ELMOD1: variants seen among roughly 807,000 people sequenced by gnomAD.
ELMOD1 encodes the protein ELMO domain-containing protein 1.
ELMOD1 carries 21 observed loss-of-function variants against 46.7 expected under a neutral mutation model. The observed-to-expected ratio is 0.45, with a 90% CI of 0.32 to 0.65. ELMOD1 has a LOEUF of 0.65. Ranked by LOEUF, ELMOD1 falls within the 30% of genes least tolerant of loss-of-function variation. ELMOD1 has a pLI of 0.04. For missense variants in ELMOD1, 348 were observed against 407.8 expected (o/e 0.85, Z 1.26); for synonymous variants, 122 against 138.2 (o/e 0.88, Z 0.82).
rs944304262 is a variant in ELMOD1 at position 107,625,562 on chromosome 11, G to A, written c.18-4855G>A. 13 of 985,214 alleles carry A rather than the reference G, an allele frequency of 1.3e-5. No homozygotes were observed. The African/African-American group carries it at 1.9e-4, about 15-fold the overall frequency. The allele number at this position is 985,214 out of a possible 1,614,324, so 61.0% of individuals were successfully genotyped here. A position where few individuals can be genotyped will look rare whatever the true frequency, so the allele number is the denominator to read the frequency against. Reference sequence around the variant, plus strand: ...CCACACCCCCTCACCCCACAGGCAAGGGGCTACATGGTTTTAGGCGCATTT... The same window carrying A: ...CCACACCCCCTCACCCCACAGGCAAAGGGCTACATGGTTTTAGGCGCATTT... On this transcript the variant is annotated intron_variant, in intron 2 of 11. Coordinates refer to ENST00000265840, the MANE Select transcript of ELMOD1 (RefSeq NM_018712.4).
chr11:107,631,826 A>C, intron 5 of ELMOD1, 149 bp downstream of exon 5: 1 of 509,374 alleles, frequency 2.0e-6, no homozygotes, highest in Non-Finnish European at 3.4e-6. Context: ...GGAATAAAGA[A>C]AAAAAGTACC....
At position 107,591,394 on chromosome 11, in the gene ELMOD1, C is replaced by A. The variant is rs1447829574; in HGVS notation, c.-101C>A. The A allele has an allele frequency of 1.3e-5, 2 of 152,662 alleles. No homozygotes were observed. Among genetic ancestry groups the A allele is most frequent in the East Asian group, 3.9e-4 (2 of 5,178 alleles). 9.5% of individuals were successfully genotyped at this position (152,662 alleles called of 1,614,324 possible). ...GCGCGCCGGGAGCTGCTGAGCCTAC[C>A]GCCGCCAGAGTCCAGGTGATTGGCG... On this transcript the variant is annotated 5_prime_UTR_variant, in exon 1 of 12. Transcript: ENST00000265840.
Position 107,602,939 on chromosome 11 carries a change from T to C in ELMOD1, c.-86+11530T>C, listed in dbSNP as rs149870188. Among the ~76,000 whole-genome samples, 565 of 152,286 alleles carry C rather than the reference T, an allele frequency of 3.7e-3. 2 individuals carry two copies. Among genetic ancestry groups the C allele is most frequent in the Non-Finnish European group, 6.2e-3 (419 of 68,010 alleles). ...GGGGAGAGCTATATGTGTCTCTGGT[T>C]AGTTTCCTGAGAGATAACTCCTCTA... On this transcript the variant is annotated intron_variant, in intron 1 of 11. Coordinates refer to ENST00000265840, the MANE Select transcript of ELMOD1 (RefSeq NM_018712.4).
At chr11:107,661,255 T>C (rs1301919468) in intron 11 of ELMOD1, among the ~76,000 whole-genome samples, 1 of 152,240 alleles carries the variant, frequency 6.6e-6, no homozygotes, top group Non-Finnish European at 1.5e-5. Context: ...TCAAGATGTT[T>C]TTCTATAATT....
intron 6 of ELMOD1, 39 bp from the exon 7 acceptor site, chr11:107,647,429 G>T (rs561006670): frequency 1.9e-6 from 3 of 1,583,814 alleles, no homozygotes; most frequent in Non-Finnish European, 2.6e-6. Context: ...AATAGGAAAG[G>T]GTGTATCAAC....
intron 11 of ELMOD1, among the ~76,000 whole-genome samples, chr11:107,658,374 TG>T (rs1866671375): frequency 6.6e-6 from 1 of 152,164 alleles, no homozygotes; most frequent in African/African-American, 2.4e-5. Context: ...TAATGGAAAA[TG>T]TAAGTCCCTT....
chr11:107,664,896 G>A, intron 11 of ELMOD1, 129 bp from the exon 12 acceptor site: 1 of 788,488 alleles, frequency 1.3e-6, no homozygotes, highest in Non-Finnish European at 2.0e-6. Flanking sequence ...TCTAGATTTT[G>A]AGGTCTTCTT....
At chr11:107,657,393 A>G (rs1035611011) in intron 11 of ELMOD1, among the ~76,000 whole-genome samples, 1 of 152,032 alleles carries the variant, frequency 6.6e-6, no homozygotes, top group Admixed American at 6.6e-5. Context: ...AAAATAAAAC[A>G]TTAGCCAGCT....
intron 2 of ELMOD1, among the ~76,000 whole-genome samples, chr11:107,619,420 G>A (rs1280099417): frequency 6.6e-5 from 10 of 152,172 alleles, no homozygotes; most frequent in Admixed American, 6.5e-5. Context: ...ATACATTCAT[G>A]AAAATTTGGC....
rs563122919 is a variant in ELMOD1, at chr11:107,655,805, C to A, written c.699-128C>A. ...CTTCCCCTTTTAGACCATAAAGTGA[C>A]TTCCTGACATTACCATGGCATTTGT... is the stretch of plus-strand genomic sequence containing the variant. On this transcript the variant is annotated intron_variant, in intron 10 of 11. Coordinates refer to ENST00000265840, the MANE Select transcript of ELMOD1 (RefSeq NM_018712.4). 2.8e-4 allele frequency: 280 copies of A among 1,011,918 alleles called. 1 individual carries two copies. Among genetic ancestry groups the A allele is most frequent in the Admixed American group, 2.3e-3 (79 of 34,078 alleles). 62.7% of individuals were successfully genotyped at this position (1,011,918 alleles called of 1,614,324 possible). A position where few individuals can be genotyped will look rare whatever the true frequency, so the allele number is the denominator to read the frequency against.
At chr11:107,601,074 T>C (rs533690586) in intron 1 of ELMOD1, among the ~76,000 whole-genome samples, 15 of 152,234 alleles carry the variant, frequency 9.9e-5, no homozygotes, top group African/African-American at 3.4e-4. Context: ...ATGGAAAAAC[T>C]CATTCCCTAA....
At position 107,652,744 on chromosome 11, in the gene ELMOD1, G is replaced by A. The variant is rs540763575; in HGVS notation, c.648-1428G>A. Among the ~76,000 whole-genome samples, 60 of 152,212 alleles carry A rather than the reference G, an allele frequency of 3.9e-4. 1 individual carries two copies. The highest frequency in any genetic ancestry group is 9.1e-4 in the African/African-American group (38 of 41,534). ...AGAAGTTACACTTTAAAAATAGGTG[G>A]CACGTTTTAATATGAATTAAAAACA... On this transcript the variant is annotated intron_variant, in intron 9 of 11. Coordinates refer to ENST00000265840, the MANE Select transcript of ELMOD1 (RefSeq NM_018712.4).
At chr11:107,655,338 T>G (rs942076220) in intron 10 of ELMOD1, among the ~76,000 whole-genome samples, 1 of 152,184 alleles carries the variant, frequency 6.6e-6, no homozygotes, top group Non-Finnish European at 1.5e-5. Flanking sequence ...TTATTAAAAA[T>G]GCTATAATGA....
intron 2 of ELMOD1, 76 bp downstream of exon 2, chr11:107,618,282 G>C (rs1865893648): frequency 1.4e-6 from 2 of 1,468,434 alleles, no homozygotes; most frequent in African/African-American, 2.8e-5. Flanking sequence ...AATATTACCA[G>C]TCATCGTTTG....
At chr11:107,630,598 G>A in intron 3 of ELMOD1, 36 bp downstream of exon 3, 1 of 1,606,864 alleles carries the variant, frequency 6.2e-7, no homozygotes, top group East Asian at 2.2e-5. Context: ...AAAAGGTAGA[G>A]TTGGTATGAT....
chr11:107,650,470 A>C, intron 8 of ELMOD1, 67 bp downstream of exon 8: 1 of 1,102,538 alleles, frequency 9.1e-7, no homozygotes, highest in Non-Finnish European at 1.3e-6. Context: ...CATCTCCTAC[A>C]TGTATCTGTT....
chr11:107,600,994 G>GT (rs1865587951), intron 1 of ELMOD1: 1 of 151,764 alleles, frequency 6.6e-6, no homozygotes, highest in South Asian at 2.1e-4. Flanking sequence ...TTCTTAAAAT[G>GT]TAAGTTTTTG....
rs1199824935 is a variant in ELMOD1, at chr11:107,666,505, G to C, written c.*1308G>C. The C allele has an allele frequency of 3.9e-5, 6 of 152,628 alleles. No homozygotes were observed. Among genetic ancestry groups the C allele is most frequent in the Non-Finnish European group, 7.3e-5 (5 of 68,040 alleles). 9.5% of individuals were successfully genotyped at this position (152,628 alleles called of 1,614,324 possible). A position where few individuals can be genotyped will look rare whatever the true frequency, so the allele number is the denominator to read the frequency against. On this transcript the variant is annotated 3_prime_UTR_variant, in exon 12 of 12. Transcript: ENST00000265840. ...AAAATAACGACCTTGTCTTGTATCA[G>C]TGGAAGAAGTAAGTTGCTTAGAAAG... is the stretch of plus-strand genomic sequence containing the variant.
At chr11:107,618,252 ACCT>A in intron 2 of ELMOD1, 46 bp downstream of exon 2, 1 of 1,546,038 alleles carries the variant, frequency 6.5e-7, no homozygotes, top group East Asian at 2.4e-5. Flanking sequence ...AGTGGGAGAA[ACCT>A]CCTCACTGGT....
Sources: gnomAD v4.1 joint callset for allele counts (sites outside exome capture counted in the v4.1 genomes callset) on GRCh38, gnomAD v4.1.1 for gene constraint, MANE v1.5 for transcripts, NCBI Gene and HGNC (gene_info 2026-07-23, HGNC 2026-07-21) for gene names.